Variants in ZCWPW2 observed in about 807,000 individuals in gnomAD.
ZCWPW2 encodes zinc finger CW-type PWWP domain protein 2.
Under a neutral mutation model 46.6 loss-of-function variants are expected in ZCWPW2, and 45 were observed. The observed-to-expected ratio is 0.96, with a 90% confidence interval of 0.76 to 1.24. The LOEUF is 1.24. Among genes scored for constraint, ZCWPW2 ranks in the 50% most tolerant of loss-of-function variants. The pLI, the probability that ZCWPW2 is intolerant of heterozygous loss-of-function variation, is 0.00. For missense variants in ZCWPW2, 429 were observed against 403.9 expected (o/e 1.06, Z -0.53); for synonymous variants, 152 against 137.1 (o/e 1.11, Z -0.76).
chr3:28,445,182 C>CATAT (rs146210607), intron 4 of ZCWPW2, among the ~76,000 whole-genome samples: 1,880 of 144,056 alleles, frequency 0.013, 39 homozygotes, highest in African/African-American at 0.04. Context: ...ATATACCTAT[C>CATAT]ATATATATAT....
intron 6 of ZCWPW2, among the ~76,000 whole-genome samples, chr3:28,502,804 C>T (rs1700183650): frequency 6.6e-6 from 1 of 152,046 alleles, no homozygotes; most frequent in Admixed American, 6.6e-5. Context: ...GTGATGCCTT[C>T]CTAAACCAGT....
At chr3:28,391,827 C>T (rs1695505594) in intron 2 of ZCWPW2, among the ~76,000 whole-genome samples, 1 of 152,092 alleles carries the variant, frequency 6.6e-6, no homozygotes, top group Non-Finnish European at 1.5e-5. Flanking sequence ...TATTTTGCCA[C>T]CCCAGGACCA....
intron 1 of ZCWPW2, among the ~76,000 whole-genome samples, chr3:28,368,887 T>C (rs893048756): frequency 6.6e-6 from 1 of 152,230 alleles, no homozygotes; most frequent in Admixed American, 6.5e-5. Context: ...TAAACTTCTC[T>C]TCTCGCTTCC....
chr3:28,493,003 G>T (rs1455052503), intron 6 of ZCWPW2, among the ~76,000 whole-genome samples: 1 of 148,040 alleles, frequency 6.8e-6, no homozygotes, highest in East Asian at 2.0e-4. Context: ...CATCATGTTT[G>T]TATTCTTTGT....
chr3:28,410,770 G>A (rs1423585151), intron 2 of ZCWPW2, among the ~76,000 whole-genome samples: 2 of 151,758 alleles, frequency 1.3e-5, no homozygotes, highest in African/African-American at 4.8e-5. Context: ...TCCAAAGAAA[G>A]TAAAAGGAAA....
At chr3:28,453,938 G>A (rs1320681173) in intron 4 of ZCWPW2, among the ~76,000 whole-genome samples, 7 of 150,916 alleles carry the variant, frequency 4.6e-5, no homozygotes, top group South Asian at 2.1e-4. Flanking sequence ...TCCGCCTCCC[G>A]GGTTCACACC....
intron 1 of ZCWPW2, among the ~76,000 whole-genome samples, chr3:28,355,214 C>T (rs1252422708): frequency 6.6e-6 from 1 of 151,690 alleles, no homozygotes; most frequent in Non-Finnish European, 1.5e-5. Context: ...CAATAACAGA[C>T]AAACAGTCAA....
intron 4 of ZCWPW2, among the ~76,000 whole-genome samples, chr3:28,469,637 TA>T (rs1698961692): frequency 6.6e-6 from 1 of 151,932 alleles, no homozygotes; most frequent in Non-Finnish European, 1.5e-5. Flanking sequence ...GATTATTATA[TA>T]ATGATAAAGG....
intron 6 of ZCWPW2, among the ~76,000 whole-genome samples, chr3:28,509,953 A>G (rs886361054): frequency 2.0e-5 from 3 of 152,134 alleles, no homozygotes; most frequent in African/African-American, 7.2e-5. Flanking sequence ...TTTATCTCTA[A>G]CGTTTACATT....
In ZCWPW2 at chr3:28,349,251, C is replaced by T. The variant is rs896450206; in HGVS notation, c.-134+48C>T. 6.2e-6 allele frequency: 6 copies of T among 968,064 alleles called. No individual in the cohort carries two copies. In the African/African-American group the frequency reaches 7.0e-5, roughly 11 times the overall value. 60.0% of individuals were successfully genotyped at this position (968,064 alleles called of 1,614,324 possible). On this transcript the variant is annotated intron_variant, in intron 1 of 9. Transcript: ENST00000383768. ...TGTCTGTTGGGCCGAGGTCCCCCTT[C>T]AGGGGCGCCCTCTGGTGCGTCTTTT...
chr3:28,453,305 A>G (rs1384600865), intron 4 of ZCWPW2, among the ~76,000 whole-genome samples: 3 of 152,218 alleles, frequency 2.0e-5, no homozygotes, highest in Non-Finnish European at 4.4e-5. Context: ...ATTCACCTCT[A>G]TCATCTCTCA....
intron 5 of ZCWPW2, among the ~76,000 whole-genome samples, chr3:28,479,397 G>A (rs896486576): frequency 1.4e-4 from 22 of 152,132 alleles, no homozygotes; most frequent in Non-Finnish European, 2.1e-4. Flanking sequence ...AAAAAACTAG[G>A]TGAAAAATTG....
intron 2 of ZCWPW2, among the ~76,000 whole-genome samples, chr3:28,411,088 T>TTA (rs747872738): frequency 7.2e-5 from 11 of 151,798 alleles, no homozygotes; most frequent in Admixed American, 2.0e-4. Context: ...AGAAATAAAA[T>TTA]AATAGACAAA....
intron 9 of ZCWPW2, among the ~76,000 whole-genome samples, chr3:28,523,655 T>C (rs768923262): frequency 2.5e-4 from 38 of 152,238 alleles, no homozygotes; most frequent in Non-Finnish European, 5.1e-4. Context: ...TTGGATTATC[T>C]CAGGCATTTA....
At chr3:28,494,626 G>A (rs1699925584) in intron 6 of ZCWPW2, among the ~76,000 whole-genome samples, 1 of 145,750 alleles carries the variant, frequency 6.9e-6, no homozygotes, top group East Asian at 2.0e-4. Flanking sequence ...TAGGAAAAGA[G>A]GAAGTCAAAT....
intron 6 of ZCWPW2, among the ~76,000 whole-genome samples, chr3:28,495,656 G>C (rs951794697): frequency 6.6e-6 from 1 of 151,860 alleles, no homozygotes. Context: ...AATGGAGCTT[G>C]TATTTTTTAA....
intron 6 of ZCWPW2, among the ~76,000 whole-genome samples, chr3:28,499,250 T>G (rs1290430798): frequency 2.6e-5 from 4 of 152,174 alleles, no homozygotes; most frequent in Admixed American, 2.6e-4. Context: ...TTGAACTAAT[T>G]TATACTCCCA....
chr3:28,498,489 A>G (rs1276181373), intron 6 of ZCWPW2, among the ~76,000 whole-genome samples: 1 of 152,018 alleles, frequency 6.6e-6, no homozygotes, highest in African/African-American at 2.4e-5. Context: ...CAATTATAAT[A>G]ACATATAGTT....
intron 4 of ZCWPW2, among the ~76,000 whole-genome samples, chr3:28,450,864 TA>T (rs1698200289): frequency 1.3e-5 from 2 of 152,244 alleles, no homozygotes; most frequent in South Asian, 4.1e-4. Flanking sequence ...ATAGCTCCAA[TA>T]ATGCTGCTTT....
Sources: allele counts gnomAD v4.1 joint callset (sites outside exome capture counted in the v4.1 genomes callset), GRCh38; gene constraint gnomAD v4.1.1; transcripts MANE v1.5; gene names NCBI Gene and HGNC (gene_info 2026-07-23, HGNC 2026-07-21).